LRRC69: variants seen among roughly 807,000 people sequenced by gnomAD.
The protein encoded by LRRC69 is leucine-rich repeat-containing protein 69.
A neutral mutation model predicts 37.8 loss-of-function variants in LRRC69; 42 were observed. That is an observed-to-expected ratio of 1.11 (90% confidence interval 0.87 to 1.44). The LOEUF is 1.44. Among genes scored for constraint, LRRC69 ranks in the 40% most tolerant of loss-of-function variants. The pLI, the probability that LRRC69 is intolerant of heterozygous loss-of-function variation, is 0.00. For missense variants in LRRC69, 357 were observed against 401.9 expected, an observed-to-expected ratio of 0.89 and a Z score of 0.96; for synonymous variants, 141 against 143.1, an observed-to-expected ratio of 0.99 and a Z score of 0.11.
intron 5 of LRRC69, chr8:91,157,600 G>A: frequency 1.3e-6 from 2 of 1,550,460 alleles, no homozygotes; most frequent in Non-Finnish European, 1.8e-6. Context: ...ACCTGATCAG[G>A]TGGATAAGGC....
intron 1 of LRRC69, among the ~76,000 whole-genome samples, chr8:91,123,245 G>A (rs918402219): frequency 6.6e-6 from 1 of 152,012 alleles, no homozygotes; most frequent in African/African-American, 2.4e-5. Context: ...AAGCCACAAA[G>A]TTTGTGGTAA....
intron 5 of LRRC69, 78 bp downstream of exon 5, chr8:91,135,817 C>A: frequency 1.5e-6 from 1 of 688,602 alleles, no homozygotes; most frequent in African/African-American, 1.9e-5. Flanking sequence ...TATGGGCAGA[C>A]AGTAAAACCT....
chr8:91,111,361 C>T (rs1487087023), intron 1 of LRRC69, among the ~76,000 whole-genome samples: 2 of 151,774 alleles, frequency 1.3e-5, no homozygotes, highest in Admixed American at 6.6e-5. Flanking sequence ...GGTGAAACCC[C>T]GTCTCTATTA....
At chr8:91,156,000 A>C (rs1035297413) in intron 5 of LRRC69, among the ~76,000 whole-genome samples, 30 of 150,454 alleles carry the variant, frequency 2.0e-4, no homozygotes, top group Admixed American at 1.8e-3. Context: ...GGTTGACTAC[A>C]TATTGTACTA....
At chr8:91,198,572 A>C (rs1230866354) in intron 6 of LRRC69, among the ~76,000 whole-genome samples, 3 of 76,290 alleles carry the variant, frequency 3.9e-5, no homozygotes, top group African/African-American at 6.0e-5. Context: ...AATAACTCAA[A>C]AATTATAAGG....
At chr8:91,180,442 A>T (rs73697136) in intron 5 of LRRC69, among the ~76,000 whole-genome samples, 1 of 149,034 alleles carries the variant, frequency 6.7e-6, no homozygotes, top group African/African-American at 2.5e-5. Context: ...ATAAGCAGGA[A>T]TTGCAATACC....
At chr8:91,218,650 G>A (rs1469117956) in intron 7 of LRRC69, among the ~76,000 whole-genome samples, 1 of 152,144 alleles carries the variant, frequency 6.6e-6, no homozygotes, top group Non-Finnish European at 1.5e-5. Flanking sequence ...ATAATGATAT[G>A]TTTGAATAAA....
chr8:91,102,867 T>G, intron 1 of LRRC69, 23 bp downstream of exon 1: 1 of 1,525,516 alleles, frequency 6.6e-7, no homozygotes. Flanking sequence ...GTTTTGCTGT[T>G]GTGGTTTGGT....
chr8:91,188,865 G>C (rs890977203), intron 5 of LRRC69, among the ~76,000 whole-genome samples: 22 of 144,272 alleles, frequency 1.5e-4, no homozygotes, highest in African/African-American at 4.9e-4. Context: ...TCACTCTGTT[G>C]CCCAGGCTGG....
intron 5 of LRRC69, among the ~76,000 whole-genome samples, chr8:91,160,655 C>T (rs1367902544): frequency 1.3e-5 from 2 of 151,236 alleles, no homozygotes; most frequent in Admixed American, 1.3e-4. Context: ...CCTTTATCTT[C>T]TTCCATGATT....
intron 1 of LRRC69, among the ~76,000 whole-genome samples, chr8:91,121,559 C>A (rs945306296): frequency 1.3e-5 from 2 of 152,006 alleles, no homozygotes; most frequent in African/African-American, 4.8e-5. Flanking sequence ...TCACTCAGAT[C>A]TCAGTCTATA....
intron 1 of LRRC69, among the ~76,000 whole-genome samples, chr8:91,121,244 T>G (rs1395383099): frequency 6.6e-6 from 1 of 152,072 alleles, no homozygotes; most frequent in Non-Finnish European, 1.5e-5. Context: ...TTGCTACCCC[T>G]GCAGATTCTG....
intron 5 of LRRC69, among the ~76,000 whole-genome samples, chr8:91,137,219 CCT>C (rs1252633852): frequency 1.3e-5 from 2 of 151,482 alleles, no homozygotes; most frequent in Non-Finnish European, 2.9e-5. Flanking sequence ...TTTTATTTAC[CCT>C]CTGTGTCTTA....
At chr8:91,192,000 C>T in intron 6 of LRRC69, among the ~76,000 whole-genome samples, 1 of 117,386 alleles carries the variant, frequency 8.5e-6, no homozygotes, top group Admixed American at 1.0e-4. Flanking sequence ...CCCCCCTCCC[C>T]CCACCCCACA....
intron 1 of LRRC69, among the ~76,000 whole-genome samples, chr8:91,117,551 A>G (rs1217702425): frequency 2.1e-5 from 3 of 145,242 alleles, no homozygotes; most frequent in Non-Finnish European, 4.5e-5. Flanking sequence ...CGAAACTAAC[A>G]AGATCCACTT....
intron 5 of LRRC69, among the ~76,000 whole-genome samples, chr8:91,141,500 C>T (rs542594017): frequency 2.6e-4 from 39 of 152,198 alleles, no homozygotes; most frequent in African/African-American, 9.4e-4. Context: ...TCTGCAAGGG[C>T]AATTGATATA....
chr8:91,104,123 A>G (rs76055342), intron 1 of LRRC69, among the ~76,000 whole-genome samples: 8,042 of 151,892 alleles, frequency 0.053, 341 homozygotes, highest in African/African-American at 0.11. Flanking sequence ...TTGTGTATTG[A>G]TCCACATCTG....
chr8:91,104,056 T>G (rs1411616923), intron 1 of LRRC69, among the ~76,000 whole-genome samples: 1 of 152,058 alleles, frequency 6.6e-6, no homozygotes, highest in Non-Finnish European at 1.5e-5. Flanking sequence ...TATTGATTTG[T>G]CTATTTTTGG....
intron 5 of LRRC69, among the ~76,000 whole-genome samples, chr8:91,143,062 C>T (rs1048766956): frequency 6.6e-6 from 1 of 152,022 alleles, no homozygotes; most frequent in African/African-American, 2.4e-5. Flanking sequence ...ATTCGGTTAG[C>T]CTTACTTCTT....
Sources: gnomAD v4.1 joint callset for allele counts (sites outside exome capture counted in the v4.1 genomes callset) on GRCh38, gnomAD v4.1.1 for gene constraint, MANE v1.5 for transcripts, NCBI Gene and HGNC (gene_info 2026-07-23, HGNC 2026-07-21) for gene names.